Variants in MAGI1 observed in about 807,000 individuals in gnomAD.
The protein encoded by MAGI1 is membrane associated guanylate kinase, WW and PDZ domain containing 1, also known as membrane-associated guanylate kinase, WW and PDZ domain-containing protein 1.
MAGI1 carries 58 observed loss-of-function variants against 139.9 expected under a neutral mutation model. The observed-to-expected ratio is 0.41, with a 90% CI of 0.34 to 0.52. The LOEUF (loss-of-function observed/expected upper bound fraction) is 0.52. Among genes scored for constraint, MAGI1 ranks in the 20% least tolerant of loss-of-function variants. MAGI1 has a pLI of 0.12. For synonymous variants in MAGI1, 812 were observed against 737.9 expected (o/e 1.10, Z -1.63); for missense variants, 1,874 against 1,901.6 (o/e 0.99, Z 0.27).
chr3:65,932,564 A>G (rs1311399128), intron 1 of MAGI1, among the ~76,000 whole-genome samples: 3 of 152,174 alleles, frequency 2.0e-5, no homozygotes, highest in African/African-American at 7.2e-5. Flanking sequence ...CACCCACCCC[A>G]GCAATGGCTG....
chr3:65,896,900 T>C (rs1177009815), intron 1 of MAGI1, among the ~76,000 whole-genome samples: 1 of 152,088 alleles, frequency 6.6e-6, no homozygotes, highest in African/African-American at 2.4e-5. Flanking sequence ...CACCTACACA[T>C]AATACAACTA....
At chr3:65,397,898 G>T (rs1374137909) in intron 13 of MAGI1, among the ~76,000 whole-genome samples, 1 of 152,094 alleles carries the variant, frequency 6.6e-6, no homozygotes, top group Non-Finnish European at 1.5e-5. Context: ...ATGAGGGCAG[G>T]GATGTTTTCT....
intron 1 of MAGI1, among the ~76,000 whole-genome samples, chr3:65,729,124 G>GC (rs1553698504): frequency 5.5e-5 from 3 of 54,414 alleles, no homozygotes; most frequent in East Asian, 3.1e-4. Flanking sequence ...ATGGAACGGG[G>GC]GGGGGGGGGG....
intron 2 of MAGI1, among the ~76,000 whole-genome samples, chr3:65,561,291 C>T (rs765721042): frequency 3.9e-5 from 6 of 152,094 alleles, no homozygotes; most frequent in Non-Finnish European, 7.4e-5. Flanking sequence ...TTTGTTTCCC[C>T]CGTATTGTTG....
intron 1 of MAGI1, among the ~76,000 whole-genome samples, chr3:65,779,922 A>T (rs1160257859): frequency 6.6e-6 from 1 of 152,154 alleles, no homozygotes; most frequent in African/African-American, 2.4e-5. Context: ...TAACAAAGAA[A>T]AAAAAATGAC....
chr3:65,409,643 T>C lies in MAGI1; in HGVS notation c.2168-8173A>G, dbSNP rs1388820211. 2.6e-5 allele frequency among the ~76,000 whole-genome samples: 4 copies of C among 151,922 alleles called. No homozygotes were observed. The East Asian group carries it at 5.8e-4, about 22-fold the overall frequency. Reference sequence around the variant, plus strand: ...GTTTGAACATGTTTCATTTTTTTTTTCTCCTTCTTCTGGCTAAATACCATC... The same window carrying C: ...GTTTGAACATGTTTCATTTTTTTTTCCTCCTTCTTCTGGCTAAATACCATC... On this transcript the variant is annotated intron_variant, in intron 12 of 22. Transcript: ENST00000402939.
In MAGI1 at chr3:65,736,721, C is replaced by T. The variant is rs367669987; in HGVS notation, c.314-114633G>A. 3.3e-5 allele frequency among the ~76,000 whole-genome samples: 5 copies of T among 152,290 alleles called. No homozygotes were observed. The East Asian group carries it at 7.7e-4, about 24-fold the overall frequency. On this transcript the variant is annotated intron_variant, in intron 1 of 22. Coordinates refer to ENST00000402939, the MANE Select transcript of MAGI1 (RefSeq NM_001033057.2). ...CTCCATATTTGTGTTCTATCCAGGC[C>T]AGCAAAGGACTGGATGATGCCCATC... is the stretch of plus-strand genomic sequence containing the variant.
rs35232258 is a variant in MAGI1 at position 65,519,335 on chromosome 3, GACACACACACACACAC to G, written c.431-25720_431-25705del. On this transcript the variant is annotated intron_variant, in intron 2 of 22. Coordinates refer to ENST00000402939, the MANE Select transcript of MAGI1 (RefSeq NM_001033057.2). ...TTTCATCACAGGAGTATCATGATCT[GACACACACACACACAC>G]ACACACACACACACACACACACACA... Among the ~76,000 whole-genome samples, 894 of 139,222 alleles carry G rather than the reference GACACACACACACACAC, an allele frequency of 6.4e-3. 3 individuals are homozygous for G. The highest frequency in any genetic ancestry group is 9.1e-3 in the African/African-American group (331 of 36,446). 91.3% of individuals were successfully genotyped at this position (139,222 alleles called of 152,430 possible). A position where few individuals can be genotyped will look rare whatever the true frequency, so the allele number is the denominator to read the frequency against.
chr3:66,005,545 A>T (rs781412851), intron 1 of MAGI1, among the ~76,000 whole-genome samples: 1 of 152,060 alleles, frequency 6.6e-6, no homozygotes. Flanking sequence ...CTCACCCACT[A>T]AGAAAATCTT....
intron 2 of MAGI1, among the ~76,000 whole-genome samples, chr3:65,524,522 T>C (rs1042102202): frequency 5.9e-5 from 9 of 152,248 alleles, no homozygotes; most frequent in African/African-American, 1.4e-4. Flanking sequence ...AAAGCAAATA[T>C]GGAAGGGTTT....
chr3:65,607,698 T>C (rs1409835173), intron 2 of MAGI1, among the ~76,000 whole-genome samples: 1 of 152,210 alleles, frequency 6.6e-6, no homozygotes, highest in African/African-American at 2.4e-5. Context: ...TTTTATCTTA[T>C]TCTCTCTTTT....
rs1054580381 is a variant in MAGI1 at position 65,359,389 on chromosome 3, C to A, written c.3634+1810G>T. 13 of 1,282,572 alleles carry A rather than the reference C, an allele frequency of 1.0e-5. No homozygotes were observed. The African/African-American group carries it at 1.9e-4, about 19-fold the overall frequency. 79.4% of individuals were successfully genotyped at this position (1,282,572 alleles called of 1,614,324 possible). ...ATTTTTAGACAGCCATAAGGTGACT[C>A]GAGAACCCAGACAACGAATGCATCC... On this transcript the variant is annotated intron_variant, in intron 22 of 22. Coordinates refer to ENST00000402939, the MANE Select transcript of MAGI1 (RefSeq NM_001033057.2).
At chr3:65,421,709 C>T (rs1946640505) in intron 12 of MAGI1, among the ~76,000 whole-genome samples, 1 of 152,116 alleles carries the variant, frequency 6.6e-6, no homozygotes, top group Admixed American at 6.5e-5. Flanking sequence ...AGTATAAAAG[C>T]TGAGATGCTT....
intron 12 of MAGI1, among the ~76,000 whole-genome samples, chr3:65,407,099 T>C (rs555778615): frequency 1.3e-5 from 2 of 152,266 alleles, no homozygotes; most frequent in South Asian, 4.1e-4. Context: ...ATAATCAGTC[T>C]TGCAAAAATT....
chr3:65,535,915 T>A (rs1442317575), intron 2 of MAGI1, among the ~76,000 whole-genome samples: 1 of 152,146 alleles, frequency 6.6e-6, no homozygotes, highest in Non-Finnish European at 1.5e-5. Context: ...AAGGACCATG[T>A]TGAATTTTTT....
chr3:65,409,646 CCTT>C (rs1167170249), intron 12 of MAGI1, among the ~76,000 whole-genome samples: 1 of 149,536 alleles, frequency 6.7e-6, no homozygotes, highest in East Asian at 2.0e-4. Flanking sequence ...TTTTTTTTCT[CCTT>C]CTTCTGGCTA....
At chr3:65,434,704 T>A (rs1484411883) in intron 10 of MAGI1, among the ~76,000 whole-genome samples, 1 of 152,172 alleles carries the variant, frequency 6.6e-6, no homozygotes, top group African/African-American at 2.4e-5. Flanking sequence ...AGGTTAATGT[T>A]TATTGAAATC....
At chr3:65,831,016 G>A (rs2042495622) in intron 1 of MAGI1, among the ~76,000 whole-genome samples, 1 of 113,950 alleles carries the variant, frequency 8.8e-6, no homozygotes, top group African/African-American at 2.7e-5. Context: ...GGACCTCTCT[G>A]AGCTCCAATT....
At chr3:66,019,327 T>G (rs1022184987) in intron 1 of MAGI1, among the ~76,000 whole-genome samples, 6 of 152,170 alleles carry the variant, frequency 3.9e-5, no homozygotes, top group African/African-American at 1.4e-4. Context: ...CATTAAAGGA[T>G]GTTTACAGTA....
Sources: gnomAD v4.1 joint callset for allele counts (sites outside exome capture counted in the v4.1 genomes callset) on GRCh38, gnomAD v4.1.1 for gene constraint, MANE v1.5 for transcripts, NCBI Gene and HGNC (gene_info 2026-07-23, HGNC 2026-07-21) for gene names.